The following GGTA1 variants were observed in gnomAD, a reference collection of about 807,000 sequenced individuals.
GGTA1 encodes the protein glycoprotein alpha-galactosyltransferase 1 (inactive).
Under a neutral mutation model 2.6 loss-of-function variants are expected in GGTA1, and 5 were observed. The observed-to-expected ratio is 1.92, with a 90% CI of 1.00 to 4.04. The LOEUF (loss-of-function observed/expected upper bound fraction) is 4.04. Ranked by LOEUF, GGTA1 falls within the 30% of genes most tolerant of loss-of-function variation. The pLI, the probability that GGTA1 is intolerant of heterozygous loss-of-function variation, is 0.00. For synonymous variants in GGTA1, 17 were observed against 5.0 expected (o/e 3.38, Z -3.19); for missense variants, 50 against 16.7 (o/e 2.99, Z -3.47).
intron 1 of GGTA1, among the ~76,000 whole-genome samples, chr9:121,489,117 T>C (rs2118761623): frequency 6.6e-6 from 1 of 152,326 alleles, no homozygotes; most frequent in Admixed American, 6.5e-5. Context: ...AAAAATTTAA[T>C]TATGTAAACT....
chr9:121,474,361 C>T (rs1828461473), intron 1 of GGTA1, among the ~76,000 whole-genome samples: 1 of 152,222 alleles, frequency 6.6e-6, no homozygotes, highest in Non-Finnish European at 1.5e-5. Flanking sequence ...AATGCAAGCA[C>T]TCTCACCCCC....
chr9:121,480,520 T>A (rs1456553248), intron 1 of GGTA1, among the ~76,000 whole-genome samples: 2 of 152,016 alleles, frequency 1.3e-5, no homozygotes, highest in Non-Finnish European at 2.9e-5. Context: ...GGCTGAGACA[T>A]CTCCAGGGAG....
At chr9:121,470,427 A>G (rs1828365059) in intron 1 of GGTA1, among the ~76,000 whole-genome samples, 1 of 152,182 alleles carries the variant, frequency 6.6e-6, no homozygotes, top group African/African-American at 2.4e-5. Context: ...GAATATGTTA[A>G]TTTTGAGGTG....
intron 1 of GGTA1, among the ~76,000 whole-genome samples, chr9:121,474,258 A>G (rs922421183): frequency 8.5e-5 from 13 of 152,214 alleles, no homozygotes; most frequent in Non-Finnish European, 1.3e-4. Context: ...CTCTGCCTTA[A>G]TACTCTTATA....
chr9:121,468,381 G>A (rs753480682), intron 1 of GGTA1, among the ~76,000 whole-genome samples: 1 of 152,120 alleles, frequency 6.6e-6, no homozygotes, highest in Non-Finnish European at 1.5e-5. Flanking sequence ...AGTATTCTAT[G>A]GTGTATATGT....
At chr9:121,491,860 T>C (rs772921125) in intron 1 of GGTA1, among the ~76,000 whole-genome samples, 7 of 152,140 alleles carry the variant, frequency 4.6e-5, no homozygotes, top group Admixed American at 6.5e-5. Flanking sequence ...TCTGCGTGCC[T>C]CTGCCTTCCA....
At chr9:121,479,346 A>C (rs368263303) in intron 1 of GGTA1, 5 of 352,330 alleles carry the variant, frequency 1.4e-5, no homozygotes, top group South Asian at 8.6e-5. Flanking sequence ...TGTCGAAAGA[A>C]TAAACAGCTG....
At chr9:121,472,686 C>T (rs983493267) in intron 1 of GGTA1, among the ~76,000 whole-genome samples, 11 of 151,434 alleles carry the variant, frequency 7.3e-5, no homozygotes, top group South Asian at 2.1e-4. Flanking sequence ...AAGCCTCAGG[C>T]GCTGCTACAA....
At position 121,480,061 on chromosome 9, in the gene GGTA1, C is replaced by CTTTTCTTTTCTTT. The variant is rs58602847; in HGVS notation, c.-9-12131_-9-12130insAAAGAAAAGAAAA. On this transcript the variant is annotated intron_variant, in intron 1 of 5. Coordinates refer to ENST00000481799, the MANE Select transcript of GGTA1 (RefSeq NM_001382585.1). Reference sequence around the variant, plus strand: ...TTTCTTTCTTTTTTTCTTTTCTTTTCTTTTTTTTTTTTGAGATGGAGTCTC... The same window carrying CTTTTCTTTTCTTT: ...TTTCTTTCTTTTTTTCTTTTCTTTTCTTTTCTTTTCTTTTTTTTTTTTTTTGAGATGGAGTCTC... Among the ~76,000 whole-genome samples, 30 of 139,858 alleles carry CTTTTCTTTTCTTT rather than the reference C, an allele frequency of 2.1e-4. 2 individuals carry two copies. The highest frequency in any genetic ancestry group is 3.1e-4 in the Non-Finnish European group (20 of 64,596). The allele number at this position is 139,858 out of a possible 152,430, so 91.8% of individuals were successfully genotyped here.
rs1292972965 is a variant in GGTA1 at position 121,463,106 on chromosome 9, T to C, written c.116+187A>G. Reference sequence around the variant, plus strand: ...AGAACTGAGGGCAAGATACAAGCCATGGTTCTATACAGATAAGTCTACGGA... The same window carrying C: ...AGAACTGAGGGCAAGATACAAGCCACGGTTCTATACAGATAAGTCTACGGA... On this transcript the variant is annotated intron_variant, in intron 3 of 5. Coordinates refer to ENST00000481799, the MANE Select transcript of GGTA1 (RefSeq NM_001382585.1). 12 of 329,284 alleles carry C rather than the reference T, an allele frequency of 3.6e-5. 1 individual carries two copies. The highest frequency in any genetic ancestry group is 2.8e-4 in the South Asian group (12 of 42,764). The allele number at this position is 329,284 out of a possible 1,614,324, so 20.4% of individuals were successfully genotyped here.
chr9:121,494,432 A>G (rs556986666), intron 1 of GGTA1: 1 of 152,264 alleles, frequency 6.6e-6, no homozygotes. Context: ...AAGCTGAGCC[A>G]ATCAGCTCTT....
At position 121,476,062 on chromosome 9, in the gene GGTA1, CAG is replaced by C. The variant is rs1236252708; in HGVS notation, c.-9-8133_-9-8132del. ...CCATGGTCTGTTAATGCCCCCCACA[CAG>C]TACCTATAATAATGATGATGCTTTT... On this transcript the variant is annotated intron_variant, in intron 1 of 5. Coordinates refer to ENST00000481799, the MANE Select transcript of GGTA1 (RefSeq NM_001382585.1). This position sits in a 1 kb window ranked among gnomAD's most constrained non-coding sequence, Gnocchi z 4.6. 6.6e-6 allele frequency among the ~76,000 whole-genome samples: 1 copy of C among 152,200 alleles called. No homozygotes were observed.
At chr9:121,450,336 G>C (rs542643558), downstream of GGTA1, among the ~76,000 whole-genome samples, 7 of 151,952 alleles carry the variant, frequency 4.6e-5, no homozygotes, top group African/African-American at 1.4e-4. Context: ...GTGGGGTGGC[G>C]GGGGGGTGGT....
At chr9:121,465,247 A>G (rs535195887) in intron 2 of GGTA1, among the ~76,000 whole-genome samples, 1 of 152,332 alleles carries the variant, frequency 6.6e-6, no homozygotes, top group South Asian at 2.1e-4. Flanking sequence ...AATTCCAAAC[A>G]CCAAAGTTAT....
intron 1 of GGTA1, among the ~76,000 whole-genome samples, chr9:121,489,862 C>A (rs77172182): frequency 2.0e-5 from 3 of 152,134 alleles, no homozygotes; most frequent in Non-Finnish European, 4.4e-5. Flanking sequence ...CTTTCTTCTT[C>A]CTCTGCTAAG....
chr9:121,489,095 T>C (rs1364913750), intron 1 of GGTA1, among the ~76,000 whole-genome samples: 2 of 152,222 alleles, frequency 1.3e-5, no homozygotes, highest in African/African-American at 2.4e-5. Context: ...TTGTTAAACA[T>C]AGGCCTTATT....
At chr9:121,457,558 G>A (rs998966124) in intron 5 of GGTA1, among the ~76,000 whole-genome samples, 27 of 151,902 alleles carry the variant, frequency 1.8e-4, no homozygotes, top group African/African-American at 5.1e-4. Flanking sequence ...AAAATTAGCC[G>A]GGTGCAGTGG....
chr9:121,470,527 AGAGTT>A (rs1828366696), intron 1 of GGTA1, among the ~76,000 whole-genome samples: 1 of 152,356 alleles, frequency 6.6e-6, no homozygotes, highest in Non-Finnish European at 1.5e-5. Context: ...TGCAGTTGGA[AGAGTT>A]GTTCACATAT....
chr9:121,488,125 A>ATATG (rs1828799570), intron 1 of GGTA1, among the ~76,000 whole-genome samples: 1 of 150,940 alleles, frequency 6.6e-6, no homozygotes, highest in African/African-American at 2.4e-5. Context: ...GTGTGCGTGC[A>ATATG]TGTGTGTGTG....
Sources: allele counts gnomAD v4.1 joint callset (sites outside exome capture counted in the v4.1 genomes callset), GRCh38; gene constraint gnomAD v4.1.1; non-coding constraint Gnocchi (gnomAD v3.1); transcripts MANE v1.5; gene names NCBI Gene and HGNC (gene_info 2026-07-23, HGNC 2026-07-21).